Variants in ABHD17B observed in about 807,000 individuals in gnomAD.
The protein encoded by ABHD17B is abhydrolase domain containing 17B, depalmitoylase.
Under a neutral mutation model 26.2 loss-of-function variants are expected in ABHD17B, and 9 were observed. The ratio of observed to expected loss-of-function variants is 0.34; its 90% CI spans 0.21 to 0.60. The LOEUF is 0.60. Ranked by LOEUF, ABHD17B falls within the 20% of genes least tolerant of loss-of-function variation. ABHD17B has a pLI of 0.80. For synonymous variants in ABHD17B, 127 were observed against 122.3 expected, an observed-to-expected ratio of 1.04 and a Z score of -0.25; for missense variants, 224 against 352.1, an observed-to-expected ratio of 0.64 and a Z score of 2.91.
At chr9:71,904,492 TA>T (rs1007069265) in intron 1 of ABHD17B, among the ~76,000 whole-genome samples, 6 of 151,576 alleles carry the variant, frequency 4.0e-5, no homozygotes, top group Admixed American at 1.3e-4. Context: ...TCTATTCTGT[TA>T]AAAAAAAATT....
intron 1 of ABHD17B, among the ~76,000 whole-genome samples, chr9:71,882,396 C>T (rs528837000): frequency 3.7e-4 from 57 of 152,330 alleles, no homozygotes; most frequent in African/African-American, 1.4e-3. Flanking sequence ...CAGAGGCTCA[C>T]GCCTGTAATC....
At chr9:71,881,322 C>T (rs979045667) in intron 1 of ABHD17B, among the ~76,000 whole-genome samples, 5 of 152,096 alleles carry the variant, frequency 3.3e-5, no homozygotes, top group African/African-American at 1.2e-4. Flanking sequence ...TACTTCACAC[C>T]ATATACAAAA....
intron 1 of ABHD17B, among the ~76,000 whole-genome samples, chr9:71,876,450 A>G (rs975123706): frequency 1.3e-5 from 2 of 152,200 alleles, no homozygotes; most frequent in Non-Finnish European, 2.9e-5. Context: ...GGACAAAAAT[A>G]AAGTAATACT....
intron 1 of ABHD17B, among the ~76,000 whole-genome samples, chr9:71,882,190 C>T (rs1348981808): frequency 6.6e-6 from 1 of 152,188 alleles, no homozygotes; most frequent in African/African-American, 2.4e-5. Flanking sequence ...CATTAGAAAA[C>T]AATCTGATAT....
chr9:71,867,498 T>A (rs1302720877), intron 3 of ABHD17B, among the ~76,000 whole-genome samples: 1 of 152,078 alleles, frequency 6.6e-6, no homozygotes, highest in Non-Finnish European at 1.5e-5. Flanking sequence ...ATGTTGGAGC[T>A]GGAAAGAAGA....
rs547539137 is a variant in ABHD17B at position 71,888,127 on chromosome 9, G to C, written c.-3-13044C>G. Among the ~76,000 whole-genome samples, 7 of 152,306 alleles carry C rather than the reference G, an allele frequency of 4.6e-5. No individual in the cohort carries two copies. In the East Asian group the frequency reaches 7.7e-4, roughly 17 times the overall value. ...CACTTACAATCTTGATGATCCACCA[G>C]AGCAATGTCCTAACAAGTGAACAAA... On this transcript the variant is annotated intron_variant, in intron 1 of 3. Transcript: ENST00000333421.
At chr9:71,862,499 T>C, downstream of ABHD17B, 1 of 1,479,150 alleles carries the variant, frequency 6.8e-7, no homozygotes, top group Non-Finnish European at 9.1e-7. Flanking sequence ...GGATCATTGG[T>C]ATATTAATCC....
At chr9:71,910,530 C>G (rs1228014939) in intron 1 of ABHD17B, 104 bp downstream of exon 1, 1 of 151,982 alleles carries the variant, frequency 6.6e-6, no homozygotes, top group Non-Finnish European at 1.5e-5. Flanking sequence ...CCGCTCCCCT[C>G]CCCCCGCCGG....
At chr9:71,867,944 T>C (rs1270100431) in intron 3 of ABHD17B, among the ~76,000 whole-genome samples, 1 of 151,748 alleles carries the variant, frequency 6.6e-6, no homozygotes, top group Non-Finnish European at 1.5e-5. Flanking sequence ...CGGTGGCTCA[T>C]GCCTGTAATC....
In ABHD17B at chr9:71,874,935, T is replaced by A. The variant is rs1040107770; in HGVS notation, c.146A>T (p.His49Leu). Residue 49 changes from histidine (H) to leucine (L), a missense_variant, in exon 2 of 4, where the codon CAT (histidine) becomes CTT (leucine). By Grantham distance (99) the His-to-Leu change is moderately conservative (BLOSUM62 -3). Coordinates refer to ENST00000333421, the MANE Select transcript of ABHD17B (RefSeq NM_001025780.3). ...CTGCCAGTCTGCTCGTTCAGACAGA[T>A]GTAAAGTCCAACGGCTTCCGCTTTC... ...CDESGSRWTL[H>L]LSERADWQYS... 3 of 1,614,208 alleles carry A rather than the reference T, an allele frequency of 1.9e-6. No individual in the cohort carries two copies. Among genetic ancestry groups the A allele is most frequent in the Non-Finnish European group, 2.5e-6 (3 of 1,180,028 alleles).
chr9:71,872,382 A>T (rs1378323376), intron 2 of ABHD17B, among the ~76,000 whole-genome samples: 1 of 152,228 alleles, frequency 6.6e-6, no homozygotes, highest in African/African-American at 2.4e-5. Flanking sequence ...ATCATTTTTC[A>T]AAGTTTTCTT....
chr9:71,901,216 G>A (rs1381484983), intron 1 of ABHD17B, among the ~76,000 whole-genome samples: 1 of 151,648 alleles, frequency 6.6e-6, no homozygotes, highest in African/African-American at 2.4e-5. Flanking sequence ...TCTACCTACT[G>A]TACCTGAGTT....
At chr9:71,863,023 T>C (rs1421815287), downstream of ABHD17B, among the ~76,000 whole-genome samples, 1 of 151,884 alleles carries the variant, frequency 6.6e-6, no homozygotes, top group Admixed American at 6.6e-5. Context: ...AAAAAATCTA[T>C]GGTATATATT....
downstream of ABHD17B, chr9:71,862,497 G>A: frequency 1.4e-6 from 2 of 1,465,452 alleles, no homozygotes; most frequent in Non-Finnish European, 1.8e-6. Context: ...AAGGATCATT[G>A]GTATATTAAT....
chr9:71,868,537 G>A (rs757972292), intron 3 of ABHD17B, among the ~76,000 whole-genome samples: 13 of 152,076 alleles, frequency 8.5e-5, no homozygotes, highest in Non-Finnish European at 1.8e-4. Flanking sequence ...ATGGAATGTT[G>A]ACAATGAAAA....
rs1300790768 is a variant in ABHD17B, at chr9:71,874,883, A to C, written c.198T>G (p.Ile66Met). 6.2e-7 allele frequency: 1 copy of C among 1,614,186 alleles called. No individual in the cohort carries two copies. The highest frequency in any genetic ancestry group is 8.5e-7 in the Non-Finnish European group (1 of 1,180,030). The change falls in exon 2 of 4, where the codon ATT (isoleucine) becomes ATG (methionine). Residue 66 changes from isoleucine to methionine, a missense_variant. Physicochemically the swap from Ile to Met is conservative, Grantham distance 10. Transcript: ENST00000333421. ...TACTGGTTCTAGTCATGAAACACTC[A>C]ATAGCATCTTTTTCTCTAGAAGAAT... ...WQYSSREKDA[I>M]ECFMTRTSKG...
intron 1 of ABHD17B, among the ~76,000 whole-genome samples, chr9:71,892,068 T>A (rs1378325921): frequency 3.9e-5 from 6 of 152,202 alleles, no homozygotes; most frequent in African/African-American, 1.4e-4. Context: ...CATTTTCCTT[T>A]TCTACAAAGT....
At chr9:71,871,486 A>T (rs534851281) in intron 2 of ABHD17B, among the ~76,000 whole-genome samples, 11 of 152,326 alleles carry the variant, frequency 7.2e-5, no homozygotes, top group African/African-American at 1.7e-4. Flanking sequence ...CGAATGAAGA[A>T]ATTAGGAGAA....
At chr9:71,905,467 A>C (rs974385079) in intron 1 of ABHD17B, among the ~76,000 whole-genome samples, 1 of 152,196 alleles carries the variant, frequency 6.6e-6, no homozygotes, top group Non-Finnish European at 1.5e-5. Context: ...TATTACTACT[A>C]ATATTTTTCT....
Sources: gnomAD v4.1 joint callset for allele counts (sites outside exome capture counted in the v4.1 genomes callset) on GRCh38, gnomAD v4.1.1 for gene constraint, MANE v1.5 for transcripts, NCBI Gene and HGNC (gene_info 2026-07-23, HGNC 2026-07-21) for gene names.